Variants in TAS2R1 observed in about 807,000 individuals in gnomAD.
TAS2R1 encodes taste 2 receptor member 1.
For missense variants in TAS2R1, 370 were observed against 353.4 expected, an observed-to-expected ratio of 1.05 and a Z score of -0.38; for synonymous variants, 141 against 134.2, an observed-to-expected ratio of 1.05 and a Z score of -0.35.
the TAS2R1 span, among the ~76,000 whole-genome samples, chr5:9,772,964 T>TAA: frequency 6.6e-6 from 1 of 152,128 alleles, no homozygotes; most frequent in African/African-American, 2.4e-5. Context: ...CTCTTTGCGT[T>TAA]TTGATTAGAG....
At chr5:9,670,082 C>T (rs1157248488) in intron 1 of TAS2R1, among the ~76,000 whole-genome samples, 13 of 151,954 alleles carry the variant, frequency 8.6e-5, no homozygotes, top group Non-Finnish European at 1.8e-4. Flanking sequence ...CTACCAACCC[C>T]ACAGAAATAC....
At chr5:9,821,731 T>A in the TAS2R1 span, among the ~76,000 whole-genome samples, 1 of 152,214 alleles carries the variant, frequency 6.6e-6, no homozygotes, top group Non-Finnish European at 1.5e-5. Context: ...GGAAAATCAT[T>A]TGGTGGTATG....
At chr5:9,825,969 G>C in the TAS2R1 span, among the ~76,000 whole-genome samples, 3 of 152,098 alleles carry the variant, frequency 2.0e-5, no homozygotes, top group Non-Finnish European at 4.4e-5. Context: ...GTTATTAAAG[G>C]CCAAAATCCA....
At chr5:9,779,346 C>A in the TAS2R1 span, among the ~76,000 whole-genome samples, 9 of 152,128 alleles carry the variant, frequency 5.9e-5, no homozygotes, top group Non-Finnish European at 8.8e-5. Flanking sequence ...AACTGTGAAC[C>A]AATTAAATCT....
intron 1 of TAS2R1, among the ~76,000 whole-genome samples, chr5:9,674,851 T>C (rs1402222699): frequency 2.0e-5 from 3 of 152,040 alleles, no homozygotes; most frequent in Admixed American, 2.0e-4. Flanking sequence ...CTGGGAGTTC[T>C]AGCTGGTGCA....
chr5:9,665,406 G>C (rs887119824), intron 1 of TAS2R1, among the ~76,000 whole-genome samples: 2 of 152,222 alleles, frequency 1.3e-5, no homozygotes, highest in Admixed American at 1.3e-4. Context: ...CCCTGGGTTT[G>C]GCATCCTATC....
upstream of TAS2R1, among the ~76,000 whole-genome samples, chr5:9,632,004 A>C (rs1448772954): frequency 6.6e-6 from 1 of 152,232 alleles, no homozygotes; most frequent in Non-Finnish European, 1.5e-5. Context: ...TCCCTCCAGT[A>C]GAAAGAAGAA....
chr5:9,831,009 T>TG, the TAS2R1 span, among the ~76,000 whole-genome samples: 10 of 152,178 alleles, frequency 6.6e-5, no homozygotes, highest in Non-Finnish European at 1.5e-4. Flanking sequence ...TGGAAAAATC[T>TG]AAGTCCATTG....
chr5:9,801,556 C>T, the TAS2R1 span, among the ~76,000 whole-genome samples: 16 of 152,258 alleles, frequency 1.1e-4, no homozygotes, highest in South Asian at 4.1e-4. Flanking sequence ...AAGGGATCAC[C>T]GTTGCAGGCT....
intron 1 of TAS2R1, among the ~76,000 whole-genome samples, chr5:9,692,737 T>C (rs1741274229): frequency 1.3e-5 from 2 of 152,158 alleles, no homozygotes; most frequent in African/African-American, 4.8e-5. Context: ...TGGATAAGCA[T>C]TTATGTTGGC....
the TAS2R1 span, among the ~76,000 whole-genome samples, chr5:9,841,409 C>T: frequency 1.6e-3 from 242 of 152,208 alleles, no homozygotes; most frequent in African/African-American, 5.5e-3. Flanking sequence ...CCACTTTTTG[C>T]CTTGCTGTAG....
Position 9,670,218 on chromosome 5 carries a change from G to A in TAS2R1, c.-241-10637C>T, listed in dbSNP as rs1434864257. On this transcript the variant is annotated intron_variant, in intron 1 of 2. Coordinates refer to the TAS2R1 transcript ENST00000506620. ...TGAACCAGGAAGAAATTAAATCCCT[G>A]AACAGATCAATAATGAGTTGTATTA... is the stretch of plus-strand genomic sequence containing the variant. Among the ~76,000 whole-genome samples, 5 of 152,198 alleles carry A rather than the reference G, an allele frequency of 3.3e-5. No individual in the cohort carries two copies. In the East Asian group the frequency reaches 9.7e-4, roughly 29 times the overall value.
At chr5:9,817,908 A>G in the TAS2R1 span, among the ~76,000 whole-genome samples, 5 of 151,984 alleles carry the variant, frequency 3.3e-5, no homozygotes, top group Admixed American at 2.0e-4. Flanking sequence ...GGGAAGTGCC[A>G]CACTTTGAAA....
chr5:9,746,910 G>A, the TAS2R1 span, among the ~76,000 whole-genome samples: 1 of 152,154 alleles, frequency 6.6e-6, no homozygotes, highest in African/African-American at 2.4e-5. Context: ...TTCTGCATAT[G>A]TATCCCAGAA....
chr5:9,639,793 A>G (rs1740035984), intron 2 of TAS2R1, among the ~76,000 whole-genome samples: 2 of 152,206 alleles, frequency 1.3e-5, no homozygotes, highest in Admixed American at 6.5e-5. Flanking sequence ...TTTCTTCTGC[A>G]GCTTCTTCAC....
chr5:9,739,279 G>A, the TAS2R1 span, among the ~76,000 whole-genome samples: 2 of 152,132 alleles, frequency 1.3e-5, no homozygotes, highest in Admixed American at 6.5e-5. Flanking sequence ...GGTGAACAGC[G>A]TGCTGGCTTA....
rs148062943 is a variant in TAS2R1, at chr5:9,711,204, A to G, written c.-242+968T>C. The stretch of plus-strand genomic sequence containing the variant: ...ACTGAAATCAGGATCTCAAAGAGAT[A>G]CCTGCACTCCCATGTTCACCGCAGC... On this transcript the variant is annotated intron_variant, in intron 1 of 2. Coordinates refer to the TAS2R1 transcript ENST00000506620. Among the ~76,000 whole-genome samples the G allele has an allele frequency of 3.4e-3, 525 of 152,176 alleles. 3 individuals carry two copies. The highest frequency in any genetic ancestry group is 0.012 in the African/African-American group (495 of 41,494).
At chr5:9,767,740 C>T in the TAS2R1 span, among the ~76,000 whole-genome samples, 1 of 152,100 alleles carries the variant, frequency 6.6e-6, no homozygotes, top group African/African-American at 2.4e-5. Context: ...GCCTGGCCAA[C>T]ATGGTGAAAC....
chr5:9,693,814 G>A lies in TAS2R1; in HGVS notation c.-242+18358C>T, dbSNP rs576211181. ...TATCACACAGCTGCAGTTAACTGAC[G>A]CTTGGTCAGTTAGACTGGTTTTTAT... On this transcript the variant is annotated intron_variant, in intron 1 of 2. Transcript: ENST00000506620. Among the ~76,000 whole-genome samples the A allele has an allele frequency of 5.0e-4, 76 of 152,190 alleles. 3 individuals are homozygous for A. The South Asian group carries it at 0.015, about 30-fold the overall frequency.
Sources: allele counts gnomAD v4.1 joint callset (sites outside exome capture counted in the v4.1 genomes callset), GRCh38; gene constraint gnomAD v4.1.1; transcripts MANE v1.5; gene names NCBI Gene and HGNC (gene_info 2026-07-23, HGNC 2026-07-21).